The following CBY2 variants were observed in gnomAD, a reference collection of about 807,000 sequenced individuals.
The protein encoded by CBY2 is protein chibby homolog 2.
In CBY2, 23 loss-of-function variants were observed where a neutral mutation model predicts 25.3. The ratio of observed to expected loss-of-function variants is 0.91; its 90% CI spans 0.65 to 1.29. The LOEUF is 1.29. Among genes scored for constraint, CBY2 ranks in the 50% most tolerant of loss-of-function variants. The pLI, the probability that CBY2 is intolerant of heterozygous loss-of-function variation, is 0.00. For missense variants in CBY2, 642 were observed against 590.7 expected (o/e 1.09, Z -0.90); for synonymous variants, 279 against 260.2 (o/e 1.07, Z -0.70).
chr13:45,707,704 T>C (rs1950247390), intron 2 of CBY2, among the ~76,000 whole-genome samples: 1 of 152,230 alleles, frequency 6.6e-6, no homozygotes, highest in African/African-American at 2.4e-5. Context: ...TGCAAAGTAA[T>C]GATATTAGCA....
chr13:45,713,676 A>G lies in CBY2; in HGVS notation c.651A>G (p.Pro217=), dbSNP rs377413173. The G allele has an allele frequency of 2.0e-5, 33 of 1,612,746 alleles. No individual in the cohort carries two copies. Among genetic ancestry groups the G allele is most frequent in the Non-Finnish European group, 2.6e-5 (31 of 1,179,956 alleles). The stretch of plus-strand genomic sequence containing the variant: ...GAGAGGAGAGCCGGGCCCCCTCGCC[A>G]CTGCTGCACAAAGACAGCGCGTCCC... ...LGREESRAPS[P]LLHKDSASLE... is the part of the protein sequence containing the mutation. The change falls in exon 3 of 3, where the codon CCA becomes CCG. Residue 217 remains proline, a synonymous_variant. Transcript: ENST00000310521. The surrounding 1 kb of genome is among the most constrained non-coding windows in gnomAD (Gnocchi z 5.0).
At chr13:45,706,026 CTT>C (rs1950237864) in intron 2 of CBY2, among the ~76,000 whole-genome samples, 1 of 152,216 alleles carries the variant, frequency 6.6e-6, no homozygotes. Flanking sequence ...TCCCCAAACT[CTT>C]TGGATGGGAA....
In CBY2 at chr13:45,702,847, C is replaced by T; in HGVS notation, c.148C>T (p.Leu50=). The change falls in exon 2 of 3, where the codon CTA becomes TTA. Residue 50 remains leucine (L), a synonymous_variant. Coordinates refer to ENST00000310521, the MANE Select transcript of CBY2 (RefSeq NM_152719.3). The part of the protein sequence containing the change: ...ESLEIPISVV[L]PQRGTAEPFP... ...CCTAGAAATTCCAATCAGTGTGGTT[C>T]TACCTCAGGTAGGGATAATCACAGA... 6.2e-7 allele frequency: 1 copy of T among 1,611,680 alleles called. No homozygotes were observed.
At position 45,713,616 on chromosome 13, in the gene CBY2, G is replaced by C; in HGVS notation, c.591G>C (p.Gln197His). 1 of 1,613,704 alleles carries C rather than the reference G, an allele frequency of 6.2e-7. No homozygotes were observed. The highest frequency in any genetic ancestry group is 8.5e-7 in the Non-Finnish European group (1 of 1,179,824). Residue 197 changes from glutamine (Q) to histidine (H), a missense_variant, in exon 3 of 3, where the codon CAG (glutamine) becomes CAC (histidine). Gln to His is a conservative substitution (Grantham distance 24, BLOSUM62 0). Coordinates refer to ENST00000310521, the MANE Select transcript of CBY2 (RefSeq NM_152719.3). The surrounding 1 kb of genome is among the most constrained non-coding windows in gnomAD (Gnocchi z 5.0). ...RMLSKENKIL[Q>H]VFWEEHKASL... ...TCAGCAAGGAGAACAAGATCCTACAGGTCTTCTGGGAGGAGCACAAGGCCT... is the reference window on the plus strand; with the variant it reads ...TCAGCAAGGAGAACAAGATCCTACACGTCTTCTGGGAGGAGCACAAGGCCT...
At chr13:45,710,240 T>C (rs894729995) in intron 2 of CBY2, among the ~76,000 whole-genome samples, 4 of 152,150 alleles carry the variant, frequency 2.6e-5, no homozygotes, top group Non-Finnish European at 5.9e-5. Context: ...TAAGATTCAC[T>C]CCTGCCAGGC....
At chr13:45,708,889 C>T (rs1361995617) in intron 2 of CBY2, among the ~76,000 whole-genome samples, 1 of 152,144 alleles carries the variant, frequency 6.6e-6, no homozygotes, top group East Asian at 1.9e-4. Flanking sequence ...ATTTGGTTTC[C>T]TGTTGAGAAA....
At chr13:45,710,742 T>C (rs1950265414) in intron 2 of CBY2, among the ~76,000 whole-genome samples, 1 of 152,200 alleles carries the variant, frequency 6.6e-6, no homozygotes, top group Non-Finnish European at 1.5e-5. Context: ...GGCTGAACTT[T>C]TTTAAACTAA....
At chr13:45,703,263 T>G in intron 2 of CBY2, 1 of 1,307,344 alleles carries the variant, frequency 7.6e-7, no homozygotes. Flanking sequence ...GAAAACCTCA[T>G]CCGTGGACAA....
At position 45,704,355 on chromosome 13, in the gene CBY2, G is replaced by A. The variant is rs1566068507; in HGVS notation, c.156+1500G>A. On this transcript the variant is annotated intron_variant, in intron 2 of 2. Transcript: ENST00000310521. This position sits in a 1 kb window ranked among gnomAD's most constrained non-coding sequence, Gnocchi z 4.1. ...GCTGGGGTCTTGTGGGGCAGAGTGG[G>A]TGAAGAATGAGAGGATATCTCCTGT... 6.6e-6 allele frequency among the ~76,000 whole-genome samples: 1 copy of A among 152,158 alleles called. No individual in the cohort carries two copies. The highest frequency in any genetic ancestry group is 1.5e-5 in the Non-Finnish European group (1 of 68,040).
Position 45,702,798 on chromosome 13 carries a change from A to G in CBY2, c.99A>G (p.Arg33=). The change falls in exon 2 of 3, where the codon AGA becomes AGG. Residue 33 remains arginine, a synonymous_variant. Transcript: ENST00000310521. ...LTLHSRPNYT[R]KRDTRSESLE... ...AGCACTCAAGGCCAAATTATACAAG[A>G]AAAAGAGATACCAGATCTGAAAGCC... 1 of 1,614,016 alleles carries G rather than the reference A, an allele frequency of 6.2e-7. No homozygotes were observed. The highest frequency in any genetic ancestry group is 8.5e-7 in the Non-Finnish European group (1 of 1,179,884).
intron 2 of CBY2, among the ~76,000 whole-genome samples, chr13:45,708,135 T>C (rs1950249855): frequency 6.6e-6 from 1 of 152,202 alleles, no homozygotes; most frequent in South Asian, 2.1e-4. Context: ...GCAGTAACAG[T>C]GAATAGCGCC....
In CBY2 at chr13:45,713,462, ACTT is replaced by A. The variant is rs1566071487; in HGVS notation, c.440_442del (p.Phe147del). The A allele has an allele frequency of 6.2e-7, 1 of 1,614,124 alleles. No individual in the cohort carries two copies. Among genetic ancestry groups the A allele is most frequent in the Non-Finnish European group, 8.5e-7 (1 of 1,180,026 alleles). On this transcript the variant is annotated inframe_deletion, in exon 3 of 3. Transcript: ENST00000310521. This position sits in a 1 kb window ranked among gnomAD's most constrained non-coding sequence, Gnocchi z 5.0. ...GAGAACTGCCGCCTGCAGTCTCCCTACTTCTCCCCATCCGCCTCCTTCCACCAC... is the reference window on the plus strand; with the variant it reads ...GAGAACTGCCGCCTGCAGTCTCCCTACTCCCCATCCGCCTCCTTCCACCAC...
At position 45,714,429 on chromosome 13, in the gene CBY2, G is replaced by C. The variant is rs1950302257; in HGVS notation, c.*57G>C. The C allele has an allele frequency of 2.1e-6, 3 of 1,419,320 alleles. No homozygotes were observed. Among genetic ancestry groups the C allele is most frequent in the Non-Finnish European group, 2.8e-6 (3 of 1,054,720 alleles). The allele number at this position is 1,419,320 out of a possible 1,614,324, so 87.9% of individuals were successfully genotyped here. On this transcript the variant is annotated 3_prime_UTR_variant, in exon 3 of 3. Coordinates refer to ENST00000310521, the MANE Select transcript of CBY2 (RefSeq NM_152719.3). ...GGGACACCGAACACTGGGCAAAAGAGAATCCCCTGCCTTCCTTTGTCGTCC... is the reference window on the plus strand; with the variant it reads ...GGGACACCGAACACTGGGCAAAAGACAATCCCCTGCCTTCCTTTGTCGTCC...
Position 45,713,821 on chromosome 13 carries a change from G to T in CBY2, c.796G>T (p.Ala266Ser). 6.5e-7 allele frequency: 1 copy of T among 1,544,214 alleles called. No homozygotes were observed. The highest frequency in any genetic ancestry group is 1.2e-5 in the South Asian group (1 of 84,358). Residue 266 changes from alanine to serine, a missense_variant, in exon 3 of 3, where the codon GCC (alanine) becomes TCC (serine). Coordinates refer to ENST00000310521, the MANE Select transcript of CBY2 (RefSeq NM_152719.3). The surrounding 1 kb of genome is among the most constrained non-coding windows in gnomAD (Gnocchi z 5.0). Reference sequence around the variant, plus strand: ...GCAGCAGCTGCTGGAGCAGAAACAGGCCTACTGGGCGCAGGCAGAGGACAC... The same window carrying T: ...GCAGCAGCTGCTGGAGCAGAAACAGTCCTACTGGGCGCAGGCAGAGGACAC... ...ALQQLLEQKQAYWAQAEDTAA... is the reference protein window; with the variant it reads ...ALQQLLEQKQSYWAQAEDTAA...
At chr13:45,710,455 G>A (rs745871532) in intron 2 of CBY2, among the ~76,000 whole-genome samples, 33 of 152,120 alleles carry the variant, frequency 2.2e-4, no homozygotes, top group African/African-American at 6.5e-4. Flanking sequence ...CCCGGAAGGC[G>A]GAGGTTGCAG....
chr13:45,714,161 A>G lies in CBY2; in HGVS notation c.1136A>G (p.Glu379Gly). Residue 379 changes from glutamate to glycine, a missense_variant, in exon 3 of 3, where the codon GAG (glutamate) becomes GGG (glycine). Transcript: ENST00000310521. ...LLKENRLLQE[E>G]NRTLQVLRAE... The stretch of plus-strand genomic sequence containing the variant: ...AAGGAGAACCGGCTCCTGCAGGAGG[A>G]GAACAGGACCCTGCAGGTGCTACGG... The G allele has an allele frequency of 7.5e-6, 12 of 1,605,000 alleles. No homozygotes were observed. The highest frequency in any genetic ancestry group is 1.0e-5 in the Non-Finnish European group (12 of 1,175,924).
chr13:45,713,580 G>A lies in CBY2; in HGVS notation c.555G>A (p.Glu185=), dbSNP rs1445168382. Residue 185 remains glutamate, a synonymous_variant, in exon 3 of 3, where the codon GAG becomes GAA. Transcript: ENST00000310521. The surrounding 1 kb of genome is among the most constrained non-coding windows in gnomAD (Gnocchi z 5.0). ...AGGAGAACAAGGCCCTGCGCGAGGAGAACCGGATGCTCAGCAAGGAGAACA... is the reference window on the plus strand; with the variant it reads ...AGGAGAACAAGGCCCTGCGCGAGGAAAACCGGATGCTCAGCAAGGAGAACA... The part of the protein sequence containing the change: ...LREENKALRE[E]NRMLSKENKI... The A allele has an allele frequency of 6.2e-7, 1 of 1,613,908 alleles. No individual in the cohort carries two copies. Among genetic ancestry groups the A allele is most frequent in the Non-Finnish European group, 8.5e-7 (1 of 1,179,958 alleles).
chr13:45,702,528 C>T, intron 1 of CBY2, 63 bp downstream of exon 1: 3 of 1,443,066 alleles, frequency 2.1e-6, no homozygotes, highest in Non-Finnish European at 2.9e-6. Context: ...ACAGCTATCT[C>T]CACTTCAAAA....
intron 2 of CBY2, among the ~76,000 whole-genome samples, chr13:45,705,394 C>T (rs1428717582): frequency 6.6e-6 from 1 of 152,220 alleles, no homozygotes; most frequent in African/African-American, 2.4e-5. Flanking sequence ...GCTCCAATAG[C>T]ACCCTCCGGT....
Sources: allele counts gnomAD v4.1 joint callset (sites outside exome capture counted in the v4.1 genomes callset), GRCh38; gene constraint gnomAD v4.1.1; non-coding constraint Gnocchi (gnomAD v3.1); transcripts MANE v1.5; gene names NCBI Gene and HGNC (gene_info 2026-07-23, HGNC 2026-07-21).